The following SLC5A4 variants were observed in gnomAD, a reference collection of about 807,000 sequenced individuals.
The protein encoded by SLC5A4 is probable glucose sensor protein SLC5A4.
A neutral mutation model predicts 70.3 loss-of-function variants in SLC5A4; 55 were observed. That is an observed-to-expected ratio of 0.78 (90% CI 0.63 to 0.98). The LOEUF (loss-of-function observed/expected upper bound fraction) is 0.98. Ranked by LOEUF, SLC5A4 falls within the 50% of genes least tolerant of loss-of-function variation. The pLI is 0.00. For synonymous variants in SLC5A4, 268 were observed against 305.7 expected, an observed-to-expected ratio of 0.88 and a Z score of 1.29; for missense variants, 735 against 839.2, an observed-to-expected ratio of 0.88 and a Z score of 1.53.
chr22:32,338,759 G>A, the SLC5A4 span, among the ~76,000 whole-genome samples: 1 of 152,182 alleles, frequency 6.6e-6, no homozygotes, highest in East Asian at 1.9e-4. Context: ...CACTCCACCA[G>A]CCCTTTGGGA....
the SLC5A4 span, among the ~76,000 whole-genome samples, chr22:32,302,257 T>A: frequency 8.9e-6 from 1 of 112,590 alleles, no homozygotes; most frequent in Non-Finnish European, 2.0e-5. Flanking sequence ...AGTGTTTTTT[T>A]TTTTTGTGTC....
At chr22:32,306,905 A>G in the SLC5A4 span, among the ~76,000 whole-genome samples, 7 of 104,064 alleles carry the variant, frequency 6.7e-5, no homozygotes, top group South Asian at 2.7e-4. Flanking sequence ...AATTCCAAGA[A>G]GAGGCGCTCT....
At chr22:32,350,343 A>G in the SLC5A4 span, among the ~76,000 whole-genome samples, 1 of 152,202 alleles carries the variant, frequency 6.6e-6, no homozygotes, top group Non-Finnish European at 1.5e-5. Flanking sequence ...TCACTCAACC[A>G]TCCTGTAAAA....
chr22:32,224,135 T>A (rs1036387745), intron 13 of SLC5A4, 132 bp downstream of exon 13: 2 of 662,574 alleles, frequency 3.0e-6, no homozygotes, highest in East Asian at 5.5e-5. Flanking sequence ...TTAACCAGGA[T>A]GGTCTCCATC....
the SLC5A4 span, among the ~76,000 whole-genome samples, chr22:32,295,684 T>G: frequency 2.2e-5 from 2 of 92,806 alleles, 1 homozygote; most frequent in Non-Finnish European, 4.6e-5. Context: ...GTCAATTTTG[T>G]CTTTTGTTGC....
At chr22:32,321,614 C>G in the SLC5A4 span, among the ~76,000 whole-genome samples, 16 of 152,208 alleles carry the variant, frequency 1.1e-4, no homozygotes, top group Admixed American at 9.2e-4. Flanking sequence ...CCTCCCCCTC[C>G]TCCCACCTTC....
intron 14 of SLC5A4, among the ~76,000 whole-genome samples, chr22:32,219,958 CAATT>C (rs894997767): frequency 2.0e-5 from 3 of 151,502 alleles, no homozygotes; most frequent in Non-Finnish European, 2.9e-5. Flanking sequence ...TTTCCAAAAA[CAATT>C]AATGAAAAAA....
the SLC5A4 span, among the ~76,000 whole-genome samples, chr22:32,321,370 C>CA: frequency 6.6e-6 from 1 of 151,888 alleles, no homozygotes; most frequent in African/African-American, 2.4e-5. Flanking sequence ...GAAAATCACT[C>CA]GAATCCAGGG....
the SLC5A4 span, among the ~76,000 whole-genome samples, chr22:32,295,500 T>A: frequency 9.0e-6 from 1 of 110,736 alleles, no homozygotes; most frequent in East Asian, 2.4e-4. Context: ...GCCCACTTTT[T>A]GATGGGGTTT....
chr22:32,247,549 A>C, intron 4 of SLC5A4, 34 bp from the exon 5 acceptor site: 1 of 1,348,388 alleles, frequency 7.4e-7, no homozygotes, highest in Non-Finnish European at 1.1e-6. Flanking sequence ...GACTTAACTT[A>C]CCCTTAGGGC....
intron 8 of SLC5A4, among the ~76,000 whole-genome samples, chr22:32,234,201 G>A (rs975025976): frequency 3.3e-5 from 5 of 152,200 alleles, no homozygotes; most frequent in Non-Finnish European, 7.3e-5. Context: ...GGGTCTGAGA[G>A]CATTTATTCC....
chr22:32,346,002 A>C, the SLC5A4 span, among the ~76,000 whole-genome samples: 1 of 152,242 alleles, frequency 6.6e-6, no homozygotes, highest in African/African-American at 2.4e-5. Context: ...CTGGAAACAG[A>C]ATAACATACA....
chr22:32,353,566 C>T, the SLC5A4 span, among the ~76,000 whole-genome samples: 6 of 152,030 alleles, frequency 3.9e-5, no homozygotes, highest in Non-Finnish European at 7.4e-5. Context: ...ACTGACACCA[C>T]CAGCACCAGG....
chr22:32,251,965 C>T (rs1293621728), intron 2 of SLC5A4, 91 bp from the exon 3 acceptor site: 6 of 919,540 alleles, frequency 6.5e-6, no homozygotes, highest in African/African-American at 4.9e-5. Flanking sequence ...CGTGGTGGCT[C>T]ACGCCTGTAA....
At chr22:32,250,696 G>T (rs181423805) in intron 3 of SLC5A4, among the ~76,000 whole-genome samples, 1 of 152,088 alleles carries the variant, frequency 6.6e-6, no homozygotes, top group African/African-American at 2.4e-5. Context: ...CAAATACTTG[G>T]AATCAACCCA....
the SLC5A4 span, among the ~76,000 whole-genome samples, chr22:32,330,995 G>GGT: frequency 8.7e-5 from 3 of 34,508 alleles, no homozygotes; most frequent in African/African-American, 1.2e-4. Context: ...TGGGGGCTCT[G>GGT]GTGTGTGTGT....
At chr22:32,255,504 G>GTA (rs1237538892), upstream of SLC5A4, among the ~76,000 whole-genome samples, 1 of 152,206 alleles carries the variant, frequency 6.6e-6, no homozygotes, top group Non-Finnish European at 1.5e-5. Flanking sequence ...GTGAGTGCTA[G>GTA]CCTAGGTAGA....
intron 5 of SLC5A4, among the ~76,000 whole-genome samples, chr22:32,242,945 A>G (rs985768423): frequency 6.6e-6 from 1 of 152,180 alleles, no homozygotes; most frequent in African/African-American, 2.4e-5. Context: ...TGAATGCTAA[A>G]TCTAGTGGAA....
chr22:32,352,242 G>C, the SLC5A4 span, among the ~76,000 whole-genome samples: 1 of 146,832 alleles, frequency 6.8e-6, no homozygotes, highest in Admixed American at 6.8e-5. Flanking sequence ...CACAGGAAGG[G>C]GGACATCACA....
Sources: allele counts gnomAD v4.1 joint callset (sites outside exome capture counted in the v4.1 genomes callset), GRCh38; gene constraint gnomAD v4.1.1; transcripts MANE v1.5; gene names NCBI Gene and HGNC (gene_info 2026-07-23, HGNC 2026-07-21).